Variants in RBFOX3 observed in about 807,000 individuals in gnomAD.
RBFOX3 encodes the protein RNA binding fox-1 homolog 3, also known as RNA binding protein fox-1 homolog 3.
A neutral mutation model predicts 48.7 loss-of-function variants in RBFOX3; 17 were observed. The observed-to-expected ratio is 0.35, with a 90% confidence interval of 0.24 to 0.52. RBFOX3 has a LOEUF of 0.52. Ranked by LOEUF, RBFOX3 falls within the 20% of genes least tolerant of loss-of-function variation. RBFOX3 has a pLI of 0.94. For missense variants in RBFOX3, 382 were observed against 497.5 expected (o/e 0.77, Z 2.21); for synonymous variants, 212 against 209.5 (o/e 1.01, Z -0.10).
At chr17:79,510,689 C>G (rs1183689674) in intron 1 of RBFOX3, among the ~76,000 whole-genome samples, 1 of 152,176 alleles carries the variant, frequency 6.6e-6, no homozygotes, top group Non-Finnish European at 1.5e-5. Context: ...TTAAACAGGG[C>G]CCAGCGCCCC....
rs755771324 is a variant in RBFOX3 at position 79,097,274 on chromosome 17, C to T, written c.755+18G>A. 56 of 1,534,056 alleles carry T rather than the reference C, an allele frequency of 3.7e-5. 1 individual carries two copies. The South Asian group carries it at 6.7e-4, about 18-fold the overall frequency. On this transcript the variant is annotated intron_variant, in intron 11 of 14. Coordinates refer to ENST00000693108, the MANE Select transcript of RBFOX3 (RefSeq NM_001350451.2). The stretch of plus-strand genomic sequence containing the variant: ...GTCCTACCCCCTCCTCCACGCCTCC[C>T]CCGGCCCAGGTACTCACGCTCCGTA...
chr17:79,369,647 G>A (rs989997265), intron 2 of RBFOX3, among the ~76,000 whole-genome samples: 4 of 152,106 alleles, frequency 2.6e-5, no homozygotes, highest in Admixed American at 6.5e-5. Context: ...AGTTCTGCCC[G>A]CAATGGCCTT....
Position 79,254,018 on chromosome 17 carries a change from C to T in RBFOX3, c.-73-18213G>A, listed in dbSNP as rs555672468. On this transcript the variant is annotated intron_variant, in intron 3 of 14. Coordinates refer to ENST00000693108, the MANE Select transcript of RBFOX3 (RefSeq NM_001350451.2). The surrounding 1 kb of genome is among the most constrained non-coding windows in gnomAD (Gnocchi z 4.8). The stretch of plus-strand genomic sequence containing the variant: ...TCTTCCCCCACGCAGCCTCTGAGGG[C>T]GGGTATGGGAGGGAGCCTTCTCCCC... Among the ~76,000 whole-genome samples, 5 of 151,858 alleles carry T rather than the reference C, an allele frequency of 3.3e-5. No individual in the cohort carries two copies. Among genetic ancestry groups the T allele is most frequent in the African/African-American group, 7.2e-5 (3 of 41,398 alleles).
At chr17:79,092,648 C>T in intron 14 of RBFOX3, 1 of 982,672 alleles carries the variant, frequency 1.0e-6, no homozygotes, top group Non-Finnish European at 1.2e-6. Context: ...TAGCCTGCAA[C>T]ATCAAAGATG....
chr17:79,413,331 G>A (rs906254112), intron 2 of RBFOX3, among the ~76,000 whole-genome samples: 1 of 152,224 alleles, frequency 6.6e-6, no homozygotes, highest in African/African-American at 2.4e-5. Context: ...GCAGGATGTG[G>A]AGTCTCTGAG....
chr17:79,103,482 G>A lies in RBFOX3; in HGVS notation c.415-228C>T. On this transcript the variant is annotated intron_variant, in intron 7 of 14. Transcript: ENST00000693108. This position sits in a 1 kb window ranked among gnomAD's most constrained non-coding sequence, Gnocchi z 6.1. ...TATGGGCCCCAGGGGGGCAGCTGCTGACCCAGCCTGAGCCCAGCCTGAGCT... is the reference window on the plus strand; with the variant it reads ...TATGGGCCCCAGGGGGGCAGCTGCTAACCCAGCCTGAGCCCAGCCTGAGCT... 6.6e-6 allele frequency among the ~76,000 whole-genome samples: 1 copy of A among 152,232 alleles called. No homozygotes were observed. Among genetic ancestry groups the A allele is most frequent in the South Asian group, 2.1e-4 (1 of 4,830 alleles).
chr17:79,191,255 T>C (rs2054459219), intron 4 of RBFOX3, among the ~76,000 whole-genome samples: 1 of 152,102 alleles, frequency 6.6e-6, no homozygotes, highest in Non-Finnish European at 1.5e-5. Flanking sequence ...TGCAGCACTG[T>C]AGAGAGGGAA....
At chr17:79,544,185 G>A (rs1452207874) in intron 1 of RBFOX3, among the ~76,000 whole-genome samples, 1 of 152,182 alleles carries the variant, frequency 6.6e-6, no homozygotes, top group African/African-American at 2.4e-5. Flanking sequence ...TGTGGTCCCT[G>A]GACTGACACT....
intron 2 of RBFOX3, among the ~76,000 whole-genome samples, chr17:79,467,132 G>C (rs1372957177): frequency 6.6e-6 from 1 of 152,108 alleles, no homozygotes; most frequent in Non-Finnish European, 1.5e-5. Context: ...GGCATCACCT[G>C]CCAGGTCTGG....
chr17:79,427,806 AC>A (rs1295984992), intron 2 of RBFOX3, among the ~76,000 whole-genome samples: 3 of 152,254 alleles, frequency 2.0e-5, no homozygotes, highest in Non-Finnish European at 4.4e-5. Context: ...TGCAACATGC[AC>A]AGGCGTGCAC....
At chr17:79,335,228 G>A (rs1256264307) in intron 2 of RBFOX3, among the ~76,000 whole-genome samples, 1 of 152,218 alleles carries the variant, frequency 6.6e-6, no homozygotes, top group Non-Finnish European at 1.5e-5. Flanking sequence ...TGGCCAACAT[G>A]AGTATGCTTG....
intron 3 of RBFOX3, among the ~76,000 whole-genome samples, chr17:79,275,474 G>T (rs1006311769): frequency 6.6e-6 from 1 of 152,174 alleles, no homozygotes; most frequent in Non-Finnish European, 1.5e-5. Flanking sequence ...CTCCAAGACG[G>T]TAGGCTTCAT....
chr17:79,164,746 G>T (rs1485829200), intron 4 of RBFOX3, among the ~76,000 whole-genome samples: 1 of 152,190 alleles, frequency 6.6e-6, no homozygotes, highest in Non-Finnish European at 1.5e-5. Context: ...CCTCACCCGC[G>T]TGGTGGCTGC....
At chr17:79,162,083 G>A (rs955791681) in intron 4 of RBFOX3, among the ~76,000 whole-genome samples, 1 of 152,176 alleles carries the variant, frequency 6.6e-6, no homozygotes, top group Non-Finnish European at 1.5e-5. Flanking sequence ...CCAGAAAAAG[G>A]AGGCCAAATC....
intron 4 of RBFOX3, among the ~76,000 whole-genome samples, chr17:79,155,854 G>A (rs146127544): frequency 1.3e-5 from 2 of 152,196 alleles, no homozygotes; most frequent in African/African-American, 4.8e-5. Context: ...GTGGCTGGGG[G>A]TAGAGCTGTT....
chr17:79,442,312 AGGGAGTGAGGGAGG>A, intron 2 of RBFOX3, among the ~76,000 whole-genome samples: 1 of 15,776 alleles, frequency 6.3e-5, no homozygotes, highest in South Asian at 5.7e-3. Flanking sequence ...AGGGAGAGAG[AGGGAGTGAGGGAGG>A]GAGAGAGAGG....
chr17:79,180,722 T>C (rs2146074958), intron 4 of RBFOX3, among the ~76,000 whole-genome samples: 1 of 152,146 alleles, frequency 6.6e-6, no homozygotes, highest in Non-Finnish European at 1.5e-5. Context: ...CCTAAAAACA[T>C]ACACCCACAA....
chr17:79,285,127 T>G (rs372918096), intron 3 of RBFOX3, among the ~76,000 whole-genome samples: 3 of 152,212 alleles, frequency 2.0e-5, no homozygotes, highest in African/African-American at 7.2e-5. Context: ...AGAAAGAAGA[T>G]GCTTGAAAAT....
chr17:79,536,941 T>A, intron 1 of RBFOX3, among the ~76,000 whole-genome samples: 1 of 151,938 alleles, frequency 6.6e-6, no homozygotes. Context: ...AAAAATTAGC[T>A]GGGCATGGTG....
Sources: allele counts gnomAD v4.1 joint callset (sites outside exome capture counted in the v4.1 genomes callset), GRCh38; gene constraint gnomAD v4.1.1; non-coding constraint Gnocchi (gnomAD v3.1); transcripts MANE v1.5; gene names NCBI Gene and HGNC (gene_info 2026-07-23, HGNC 2026-07-21).